Variants in POLR2J observed in about 807,000 individuals in gnomAD.
The protein encoded by POLR2J is RNA polymerase II subunit J, also known as DNA-directed RNA polymerase II subunit RPB11-a.
POLR2J carries 12 observed loss-of-function variants against 13.4 expected under a neutral mutation model. That is an observed-to-expected ratio of 0.90 (90% CI 0.57 to 1.45). The LOEUF (loss-of-function observed/expected upper bound fraction) is 1.45. Ranked by LOEUF, POLR2J falls within the 40% of genes most tolerant of loss-of-function variation. The pLI, the probability that POLR2J is intolerant of heterozygous loss-of-function variation, is 0.00. For synonymous variants in POLR2J, 31 were observed against 53.6 expected (o/e 0.58, Z 1.84); for missense variants, 58 against 132.0 (o/e 0.44, Z 2.75).
At position 102,473,869 on chromosome 7, in the gene POLR2J, C is replaced by T. The variant is rs183143197; in HGVS notation, c.319-185G>A. 5,447 of 1,442,310 alleles carry T rather than the reference C, an allele frequency of 3.8e-3. 18 individuals carry two copies. Among genetic ancestry groups the T allele is most frequent in the Non-Finnish European group, 4.7e-3 (5,149 of 1,104,310 alleles). 89.3% of individuals were successfully genotyped at this position (1,442,310 alleles called of 1,614,324 possible). On this transcript the variant is annotated intron_variant, in intron 3 of 3. Coordinates refer to ENST00000292614, the MANE Select transcript of POLR2J (RefSeq NM_006234.6). Reference sequence around the variant, plus strand: ...CCAATCCAGCCATTCTCTATGGCAGCCCCGGCAGGAGTCAGAGGCCCCAGA... The same window carrying T: ...CCAATCCAGCCATTCTCTATGGCAGTCCCGGCAGGAGTCAGAGGCCCCAGA...
At chr7:102,474,104 C>T (rs990050448) in intron 3 of POLR2J, 38 of 1,475,784 alleles carry the variant, frequency 2.6e-5, no homozygotes, top group East Asian at 4.9e-5. Flanking sequence ...AGTAGGTCCC[C>T]GCCCCGATCT....
Position 102,473,240 on chromosome 7 carries a change from T to C in POLR2J, c.*409A>G, listed in dbSNP as rs1382804285. 5 of 698,854 alleles carry C rather than the reference T, an allele frequency of 7.2e-6. No homozygotes were observed. Among genetic ancestry groups the C allele is most frequent in the Non-Finnish European group, 1.2e-5 (5 of 433,628 alleles). 43.3% of individuals were successfully genotyped at this position (698,854 alleles called of 1,614,324 possible). ...TTTGACTGACAGGCAGGCCCAGGAG[T>C]TGAGGCTTCTAGAGCAGAGACTCTT... is the stretch of plus-strand genomic sequence containing the variant. On this transcript the variant is annotated 3_prime_UTR_variant, in exon 4 of 4. Transcript: ENST00000292614.
chr7:102,473,667 C>T lies in POLR2J; in HGVS notation c.336G>A (p.Lys112=). 2 of 1,613,882 alleles carry T rather than the reference C, an allele frequency of 1.2e-6. No individual in the cohort carries two copies. Among genetic ancestry groups the T allele is most frequent in the Non-Finnish European group, 1.7e-6 (2 of 1,179,930 alleles). ...CTGGCCCCTACTCAATTCCTTCCTG[C>T]TTGTCTTTTATGGCCACCTGGGAGA... ...EERFRVAIKD[K]QEGIE Residue 112 remains lysine (K), a synonymous_variant, in exon 4 of 4, where the codon AAG becomes AAA. Coordinates refer to ENST00000292614, the MANE Select transcript of POLR2J (RefSeq NM_006234.6).
intron 2 of POLR2J, among the ~76,000 whole-genome samples, chr7:102,474,815 T>C (rs977404162): frequency 7.1e-6 from 1 of 140,654 alleles, no homozygotes; most frequent in Admixed American, 7.2e-5. Flanking sequence ...GGCAAAGAGA[T>C]CTCCCAGGCA....
intron 2 of POLR2J, among the ~76,000 whole-genome samples, chr7:102,474,833 T>C (rs1234910719): frequency 5.7e-4 from 81 of 141,684 alleles, no homozygotes; most frequent in East Asian, 2.3e-3. Context: ...GCAGTGAATG[T>C]CCAGCCAGTG....
chr7:102,473,462 C>CTT lies in POLR2J; in HGVS notation c.*186_*187insAA, dbSNP rs1563660597. On this transcript the variant is annotated 3_prime_UTR_variant, in exon 4 of 4. Transcript: ENST00000292614. Reference sequence around the variant, plus strand: ...TGCTCAAGTCCACATCCAGGTCTCTCCCGCTATACTTTATTAGGAATATAA... The same window carrying CTT: ...TGCTCAAGTCCACATCCAGGTCTCTCTTCCGCTATACTTTATTAGGAATATAA... 1 of 795,590 alleles carries CTT rather than the reference C, an allele frequency of 1.3e-6. No homozygotes were observed. The highest frequency in any genetic ancestry group is 1.9e-5 in the African/African-American group (1 of 53,188). 49.3% of individuals were successfully genotyped at this position (795,590 alleles called of 1,614,324 possible).
chr7:102,473,909 C>G, intron 3 of POLR2J: 23 of 1,434,996 alleles, frequency 1.6e-5, no homozygotes, highest in Admixed American at 2.9e-5. Flanking sequence ...TCCTGGTGAG[C>G]AGACGACTCA....
chr7:102,473,715 C>G, intron 3 of POLR2J, 31 bp from the exon 4 acceptor site: 1 of 1,613,316 alleles, frequency 6.2e-7, no homozygotes, highest in Non-Finnish European at 8.5e-7. Context: ...GGAGACTGAG[C>G]TGGAACAGCT....
intron 3 of POLR2J, 142 bp downstream of exon 3, chr7:102,474,219 C>T (rs1326427618): frequency 1.3e-6 from 2 of 1,563,302 alleles, no homozygotes; most frequent in South Asian, 1.2e-5. Flanking sequence ...TGTCCTGGAG[C>T]CTGTGGTGGA....
intron 3 of POLR2J, chr7:102,473,980 G>C: frequency 7.0e-7 from 1 of 1,434,040 alleles, no homozygotes; most frequent in Middle Eastern, 2.6e-4. Flanking sequence ...ATTCCCATGC[G>C]CCCTGCCAGG....
At position 102,473,675 on chromosome 7, in the gene POLR2J, T is replaced by G; in HGVS notation, c.328A>C (p.Lys110Gln). The G allele has an allele frequency of 1.9e-6, 3 of 1,613,810 alleles. No homozygotes were observed. The highest frequency in any genetic ancestry group is 3.3e-4 in the Middle Eastern group (2 of 6,062). ...TACTCAATTCCTTCCTGCTTGTCTT[T>G]TATGGCCACCTGGGAGAGAAGAAGG... Reference protein sequence around the residue: ...LLEERFRVAIKDKQEGIE With the variant: ...LLEERFRVAIQDKQEGIE The change falls in exon 4 of 4, where the codon AAA becomes CAA. Residue 110 changes from lysine to glutamine, a missense_variant. Lys to Gln is a moderately conservative substitution (Grantham distance 53, BLOSUM62 1). Coordinates refer to ENST00000292614, the MANE Select transcript of POLR2J (RefSeq NM_006234.6).
chr7:102,473,313 G>A lies in POLR2J; in HGVS notation c.*336C>T, dbSNP rs112428384. 1.1e-4 allele frequency: 65 copies of A among 568,160 alleles called. No homozygotes were observed. The highest frequency in any genetic ancestry group is 8.8e-4 in the African/African-American group (47 of 53,190). The allele number at this position is 568,160 out of a possible 1,614,324, so 35.2% of individuals were successfully genotyped here. On this transcript the variant is annotated 3_prime_UTR_variant, in exon 4 of 4. Transcript: ENST00000292614. ...TTCTCTCCGGCTCAGCACAGCCCCC[G>A]CAGCAGCCCCTGGACCCCGGATCTT...
At chr7:102,474,302 C>T in intron 3 of POLR2J, 59 bp downstream of exon 3, 23 of 1,610,886 alleles carry the variant, frequency 1.4e-5, no homozygotes, top group Non-Finnish European at 1.9e-5. Context: ...TGTCCCAGGC[C>T]TGGGCACACG....
At chr7:102,473,910 AGAC>A in intron 3 of POLR2J, 1 of 1,435,134 alleles carries the variant, frequency 7.0e-7, no homozygotes, top group East Asian at 2.5e-5. Context: ...CCTGGTGAGC[AGAC>A]GACTCAGACG....
chr7:102,475,847 G>A (rs1216428364), intron 2 of POLR2J, among the ~76,000 whole-genome samples: 2 of 146,496 alleles, frequency 1.4e-5, no homozygotes, highest in Non-Finnish European at 1.5e-5. Flanking sequence ...ACTTGAACCC[G>A]GGAGGCGGAG....
chr7:102,478,811 T>C lies in POLR2J; in HGVS notation c.50A>G (p.Lys17Arg), dbSNP rs754034176. Residue 17 changes from lysine (K) to arginine (R), a missense_variant, in exon 1 of 4, where the codon AAG (lysine) becomes AGG (arginine). Around this residue, in one of 4 missense-constraint regions of POLR2J, gnomAD observed 23 missense variants for 52.6 expected, o/e 0.44. Coordinates refer to ENST00000292614, the MANE Select transcript of POLR2J (RefSeq NM_006234.6). ...FESFLLFEGE[K>R]KITINKDTKV... ...CGCCGCAGCCGGCGTCACTTACTTC[T>C]TCTCGCCCTCGAAGAGCAAGAACGA... The C allele has an allele frequency of 4.3e-6, 7 of 1,610,784 alleles. No individual in the cohort carries two copies. The African/African-American group carries it at 5.3e-5, about 12-fold the overall frequency.
rs566019847 is a variant in POLR2J, at chr7:102,473,443, A to G, written c.*206T>C. ...TTGCTTGCGAAGTCACCGCTGCTCA[A>G]GTCCACATCCAGGTCTCTCCCGCTA... On this transcript the variant is annotated 3_prime_UTR_variant, in exon 4 of 4. Coordinates refer to ENST00000292614, the MANE Select transcript of POLR2J (RefSeq NM_006234.6). 2.9e-6 allele frequency: 2 copies of G among 689,136 alleles called. No individual in the cohort carries two copies. The highest frequency in any genetic ancestry group is 5.0e-5 in the South Asian group (2 of 40,390). The allele number at this position is 689,136 out of a possible 1,614,324, so 42.7% of individuals were successfully genotyped here.
Position 102,473,699 on chromosome 7 carries a change from G to T in POLR2J, c.319-15C>A. 6.2e-7 allele frequency: 1 copy of T among 1,613,816 alleles called. No homozygotes were observed. The highest frequency in any genetic ancestry group is 1.3e-5 in the African/African-American group (1 of 75,018). Reference sequence around the variant, plus strand: ...TTTATGGCCACCTGGGAGAGAAGAAGGTGGTGGAGACTGAGCTGGAACAGC... The same window carrying T: ...TTTATGGCCACCTGGGAGAGAAGAATGTGGTGGAGACTGAGCTGGAACAGC... On this transcript the variant is annotated splice_polypyrimidine_tract_variant and intron_variant, in intron 3 of 3. Transcript: ENST00000292614.
intron 1 of POLR2J, among the ~76,000 whole-genome samples, chr7:102,476,559 G>A (rs1168595965): frequency 6.9e-6 from 1 of 145,828 alleles, no homozygotes. Context: ...AGAATCACTT[G>A]AACCTGGGAG....
Sources: allele counts gnomAD v4.1 joint callset (sites outside exome capture counted in the v4.1 genomes callset), GRCh38; gene constraint gnomAD v4.1.1; regional missense constraint gnomAD v4.1.1; transcripts MANE v1.5; gene names NCBI Gene and HGNC (gene_info 2026-07-23, HGNC 2026-07-21).